Variants in RBFOX1 observed in about 807,000 individuals in gnomAD.
RBFOX1 encodes RNA binding fox-1 homolog 1, also known as RNA binding protein fox-1 homolog 1.
RBFOX1 carries 8 observed loss-of-function variants against 57.7 expected under a neutral mutation model. The observed-to-expected ratio is 0.14, with a 90% confidence interval of 0.08 to 0.25. RBFOX1 has a LOEUF of 0.25. RBFOX1 is among the 10% of genes least tolerant of loss of function. The probability of loss-of-function intolerance (pLI) is 1.00; values close to 1 mark genes in which losing one functional copy is unlikely to be tolerated. For missense variants in RBFOX1, 611 were observed against 548.5 expected, an observed-to-expected ratio of 1.11 and a Z score of -1.14; for synonymous variants, 326 against 222.4, an observed-to-expected ratio of 1.47 and a Z score of -4.15.
chr16:7,221,749 A>T (rs748879313), intron 4 of RBFOX1, among the ~76,000 whole-genome samples: 1 of 152,188 alleles, frequency 6.6e-6, no homozygotes, highest in South Asian at 2.1e-4. Context: ...TGGTTATTCA[A>T]TGGCCATCAA....
chr16:7,046,185 G>T (rs891285488), intron 3 of RBFOX1, among the ~76,000 whole-genome samples: 23 of 151,906 alleles, frequency 1.5e-4, no homozygotes, highest in African/African-American at 5.3e-4. Flanking sequence ...CATGTAGACA[G>T]GTGTTCCATT....
chr16:5,825,375 T>G (rs2056000813), intron 3 of RBFOX1, among the ~76,000 whole-genome samples: 1 of 152,166 alleles, frequency 6.6e-6, no homozygotes, highest in African/African-American at 2.4e-5. Context: ...ACCTTCATGC[T>G]CATTTCCTGT....
intron 4 of RBFOX1, among the ~76,000 whole-genome samples, chr16:6,004,990 GCTAAAAAACAAAACAAAA>G (rs2060667686): frequency 6.7e-6 from 1 of 148,668 alleles, no homozygotes. Flanking sequence ...TTGTTTTGTT[GCTAAAAAACAAAACAAAA>G]CAAAACAAAA....
intron 4 of RBFOX1, among the ~76,000 whole-genome samples, chr16:7,171,288 T>C (rs1390403697): frequency 6.6e-6 from 1 of 152,178 alleles, no homozygotes; most frequent in Non-Finnish European, 1.5e-5. Context: ...CTCATCCCTA[T>C]GATGAGGACT....
intron 1 of RBFOX1, among the ~76,000 whole-genome samples, chr16:6,063,464 G>GACACACACACAC (rs772720519): frequency 1.0e-4 from 9 of 86,430 alleles, no homozygotes; most frequent in African/African-American, 4.6e-4. Flanking sequence ...CTCTTTCTCC[G>GACACACACACAC]ACACACACAC....
intron 3 of RBFOX1, among the ~76,000 whole-genome samples, chr16:6,990,525 C>CA (rs2091252229): frequency 6.6e-6 from 1 of 151,738 alleles, no homozygotes; most frequent in African/African-American, 2.4e-5. Context: ...AACTCCATCT[C>CA]AAAAAAATAA....
intron 1 of RBFOX1, among the ~76,000 whole-genome samples, chr16:5,402,362 T>A (rs1246261622): frequency 6.6e-6 from 1 of 152,148 alleles, no homozygotes; most frequent in African/African-American, 2.4e-5. Flanking sequence ...CGCATGCACA[T>A]AGGCCAGCCT....
intron 13 of RBFOX1, among the ~76,000 whole-genome samples, chr16:7,666,043 C>T (rs568373242): frequency 6.6e-5 from 10 of 152,128 alleles, no homozygotes; most frequent in Non-Finnish European, 1.0e-4. Context: ...ACCCATATGT[C>T]CTAATTCACT....
chr16:6,940,784 G>A (rs2078259921), intron 3 of RBFOX1, among the ~76,000 whole-genome samples: 1 of 110,878 alleles, frequency 9.0e-6, no homozygotes, highest in Non-Finnish European at 2.1e-5. Context: ...GTGTGTGTGT[G>A]TGTGTGTGTG....
chr16:6,551,302 C>T (rs1489803948), intron 2 of RBFOX1, among the ~76,000 whole-genome samples: 2 of 152,154 alleles, frequency 1.3e-5, no homozygotes, highest in African/African-American at 4.8e-5. Context: ...AGCTTTGCTA[C>T]TGGGATGGTC....
intron 3 of RBFOX1, among the ~76,000 whole-genome samples, chr16:6,800,411 T>C (rs944630516): frequency 6.6e-6 from 1 of 152,118 alleles, no homozygotes; most frequent in African/African-American, 2.4e-5. Context: ...TCTCACTCTT[T>C]AACAGTGATA....
chr16:5,779,517 T>C (rs1052778132), intron 3 of RBFOX1, among the ~76,000 whole-genome samples: 1 of 152,210 alleles, frequency 6.6e-6, no homozygotes, highest in Non-Finnish European at 1.5e-5. Context: ...CTCTGTTTTA[T>C]TGAAACTACA....
chr16:6,856,208 T>C (rs1181625274), intron 3 of RBFOX1, among the ~76,000 whole-genome samples: 1 of 152,128 alleles, frequency 6.6e-6, no homozygotes, highest in Non-Finnish European at 1.5e-5. Context: ...CCAGATACTG[T>C]GCCAGCCACG....
In RBFOX1 at chr16:7,589,785, G is replaced by T. The variant is rs536736983; in HGVS notation, c.468+2485G>T. Among the ~76,000 whole-genome samples, 3 of 151,998 alleles carry T rather than the reference G, an allele frequency of 2.0e-5. No homozygotes were observed. The East Asian group carries it at 5.8e-4, about 30-fold the overall frequency. ...CTGTTGCTATGGCCTCATTTTCATCGTTTGGTGCTGGACAGACAGCCAGGA... is the reference window on the plus strand; with the variant it reads ...CTGTTGCTATGGCCTCATTTTCATCTTTTGGTGCTGGACAGACAGCCAGGA... On this transcript the variant is annotated intron_variant, in intron 7 of 15. Coordinates refer to ENST00000550418, the MANE Select transcript of RBFOX1 (RefSeq NM_018723.4).
At chr16:7,513,103 A>G (rs568810743) in intron 4 of RBFOX1, among the ~76,000 whole-genome samples, 2 of 152,070 alleles carry the variant, frequency 1.3e-5, no homozygotes, top group Non-Finnish European at 2.9e-5. Flanking sequence ...CTCTACTAAA[A>G]ATACAAAAAA....
intron 4 of RBFOX1, among the ~76,000 whole-genome samples, chr16:7,090,168 A>G (rs919965873): frequency 2.0e-5 from 3 of 152,208 alleles, no homozygotes; most frequent in Non-Finnish European, 4.4e-5. Context: ...TTGATGTGTG[A>G]AAATAGTGGT....
intron 2 of RBFOX1, among the ~76,000 whole-genome samples, chr16:6,353,449 T>G (rs1387013393): frequency 4.6e-5 from 7 of 151,990 alleles, no homozygotes; most frequent in Admixed American, 4.6e-4. Context: ...GTCATTTATT[T>G]GATTTCTGTA....
intron 3 of RBFOX1, among the ~76,000 whole-genome samples, chr16:5,794,133 T>C (rs1241534717): frequency 1.3e-5 from 2 of 152,198 alleles, no homozygotes; most frequent in African/African-American, 4.8e-5. Context: ...TTTAATCTCT[T>C]GGGGCTTTTT....
intron 4 of RBFOX1, among the ~76,000 whole-genome samples, chr16:7,090,205 G>A (rs931934857): frequency 1.3e-5 from 2 of 152,178 alleles, no homozygotes; most frequent in Non-Finnish European, 2.9e-5. Context: ...ATATAAAAGT[G>A]AAAATGAAGA....
Sources: allele counts gnomAD v4.1 joint callset (sites outside exome capture counted in the v4.1 genomes callset), GRCh38; gene constraint gnomAD v4.1.1; transcripts MANE v1.5; gene names NCBI Gene and HGNC (gene_info 2026-07-23, HGNC 2026-07-21).